CUX1: variants seen among roughly 807,000 people sequenced by gnomAD.
CUX1 encodes the protein cut like homeobox 1, also known as protein CASP.
A neutral mutation model predicts 158.8 loss-of-function variants in CUX1; 31 were observed. The observed-to-expected ratio is 0.20, with a 90% CI of 0.15 to 0.26. CUX1 has a LOEUF of 0.26. Among genes scored for constraint, CUX1 ranks in the 10% least tolerant of loss-of-function variants. The pLI, the probability that CUX1 is intolerant of heterozygous loss-of-function variation, is 1.00. For missense variants in CUX1, 1,589 were observed against 2,014.6 expected, an observed-to-expected ratio of 0.79 and a Z score of 4.04; for synonymous variants, 879 against 862.1, an observed-to-expected ratio of 1.02 and a Z score of -0.34.
chr7:102,129,450 A>G lies in CUX1; in HGVS notation c.674+14177A>G, dbSNP rs1351143065. On this transcript the variant is annotated intron_variant, in intron 8 of 23. Transcript: ENST00000292535. ...TGTAATCCCAGCACTTTGGGAGGCC[A>G]AGATGGGCAGATCACTTGAGGTCAG... Among the ~76,000 whole-genome samples the G allele has an allele frequency of 5.3e-5, 8 of 152,254 alleles. No individual in the cohort carries two copies. In the East Asian group the frequency reaches 1.4e-3, roughly 26 times the overall value.
At chr7:101,907,752 A>G (rs1802922663) in intron 1 of CUX1, among the ~76,000 whole-genome samples, 1 of 152,090 alleles carries the variant, frequency 6.6e-6, no homozygotes, top group African/African-American at 2.4e-5. Context: ...TCTGCAAATG[A>G]GATGTCCTAA....
At chr7:102,152,464 G>A (rs1294677023) in intron 8 of CUX1, among the ~76,000 whole-genome samples, 2 of 152,086 alleles carry the variant, frequency 1.3e-5, no homozygotes, top group Admixed American at 6.6e-5. Flanking sequence ...TGTCACCTAG[G>A]CTGGAGTGTA....
intron 2 of CUX1, among the ~76,000 whole-genome samples, chr7:101,997,114 C>T (rs1816019287): frequency 6.6e-6 from 1 of 152,136 alleles, no homozygotes; most frequent in Non-Finnish European, 1.5e-5. Flanking sequence ...CAGCCCCAAA[C>T]ACAGTCCTTG....
chr7:102,270,741 G>A (rs997828506), intron 14 of CUX1, among the ~76,000 whole-genome samples: 1 of 152,236 alleles, frequency 6.6e-6, no homozygotes, highest in Non-Finnish European at 1.5e-5. Flanking sequence ...CAATGGCCAG[G>A]CCTCCAGGCC....
intron 2 of CUX1, among the ~76,000 whole-genome samples, chr7:101,946,001 G>A (rs1384863081): frequency 3.9e-5 from 6 of 152,162 alleles, no homozygotes; most frequent in Admixed American, 2.0e-4. Context: ...TGGTCAGGAG[G>A]GCGGCACCTG....
chr7:102,230,695 T>G (rs1478406754), intron 21 of CUX1, among the ~76,000 whole-genome samples: 2 of 152,124 alleles, frequency 1.3e-5, no homozygotes, highest in South Asian at 4.1e-4. Flanking sequence ...AATAAAAATG[T>G]AGCTGTTGAT....
chr7:102,152,857 G>A (rs1411810648), intron 8 of CUX1, among the ~76,000 whole-genome samples: 3 of 152,220 alleles, frequency 2.0e-5, no homozygotes, highest in Non-Finnish European at 4.4e-5. Flanking sequence ...CCCTGCAACT[G>A]CAGAGTGTGG....
chr7:102,151,931 G>A (rs1563316492), intron 8 of CUX1, among the ~76,000 whole-genome samples: 2 of 151,950 alleles, frequency 1.3e-5, no homozygotes. Context: ...AATGGGCCAG[G>A]CACAGTGGCT....
chr7:101,905,372 G>A (rs1057506834), intron 1 of CUX1, among the ~76,000 whole-genome samples: 6 of 152,180 alleles, frequency 3.9e-5, no homozygotes, highest in Admixed American at 3.3e-4. Context: ...GAGCTGGAGC[G>A]ACAGCCACAG....
intron 1 of CUX1, among the ~76,000 whole-genome samples, chr7:101,822,906 G>GAA (rs796103013): frequency 1.0e-4 from 9 of 87,572 alleles, no homozygotes; most frequent in Admixed American, 2.5e-4. Flanking sequence ...CTCTGTCTCA[G>GAA]AAAAAAAAAA....
At chr7:101,912,976 T>C (rs1423718459) in intron 1 of CUX1, 2 of 155,838 alleles carry the variant, frequency 1.3e-5, no homozygotes. Flanking sequence ...ATGCATTTCA[T>C]TCCCTTGTTA....
chr7:102,202,318 G>A (rs1795532647), intron 18 of CUX1, 114 bp downstream of exon 18: 1 of 1,388,546 alleles, frequency 7.2e-7, no homozygotes, highest in South Asian at 1.4e-5. Flanking sequence ...CAAGAGCAGA[G>A]CGTAAGGCAT....
chr7:102,178,433 C>A, intron 10 of CUX1, 36 bp from the exon 11 acceptor site: 1 of 1,557,874 alleles, frequency 6.4e-7, no homozygotes, highest in Non-Finnish European at 8.7e-7. Context: ...CGCCTCAAGG[C>A]CAGCGCAGTT....
chr7:101,872,640 GA>G (rs1408465507), intron 1 of CUX1, among the ~76,000 whole-genome samples: 1 of 151,408 alleles, frequency 6.6e-6, no homozygotes, highest in African/African-American at 2.4e-5. Context: ...GAAATATTAC[GA>G]AAAAATAAAG....
chr7:101,861,768 CT>C (rs758378015), intron 1 of CUX1, among the ~76,000 whole-genome samples: 199 of 145,164 alleles, frequency 1.4e-3, no homozygotes, highest in Admixed American at 1.8e-3. Flanking sequence ...TCACCCCTAA[CT>C]TTTTTTTTTT....
intron 14 of CUX1, among the ~76,000 whole-genome samples, chr7:102,196,172 C>T (rs1217267607): frequency 2.0e-5 from 3 of 152,238 alleles, no homozygotes; most frequent in Non-Finnish European, 4.4e-5. Context: ...ATTCTCAAAA[C>T]GGGCGCGCGC....
At chr7:102,163,138 G>A (rs565449423) in intron 9 of CUX1, among the ~76,000 whole-genome samples, 3 of 152,248 alleles carry the variant, frequency 2.0e-5, no homozygotes, top group South Asian at 4.1e-4. Flanking sequence ...GAAGTGGAAG[G>A]TTAAAGGAAA....
intron 2 of CUX1, among the ~76,000 whole-genome samples, chr7:101,945,252 C>T (rs1808232564): frequency 6.6e-6 from 1 of 152,130 alleles, no homozygotes; most frequent in South Asian, 2.1e-4. Flanking sequence ...GGCTCTGCAC[C>T]TTCAGCTACA....
chr7:102,219,054 A>AG (rs1563431341), intron 20 of CUX1, among the ~76,000 whole-genome samples: 12 of 128,588 alleles, frequency 9.3e-5, no homozygotes, highest in Admixed American at 1.7e-4. Context: ...CCCTGCCTCA[A>AG]AACACACACA....
Sources: allele counts gnomAD v4.1 joint callset (sites outside exome capture counted in the v4.1 genomes callset), GRCh38; gene constraint gnomAD v4.1.1; transcripts MANE v1.5; gene names NCBI Gene and HGNC (gene_info 2026-07-23, HGNC 2026-07-21).